Variants in SLC35F3 observed in about 807,000 individuals in gnomAD.
The protein encoded by SLC35F3 is putative thiamine transporter SLC35F3.
A neutral mutation model predicts 49.9 loss-of-function variants in SLC35F3; 25 were observed. The observed-to-expected ratio is 0.50, with a 90% CI of 0.37 to 0.70. SLC35F3 has a LOEUF of 0.70. SLC35F3 is among the 30% of genes least tolerant of loss of function. The probability of loss-of-function intolerance (pLI) is 0.00; values close to 1 mark genes in which losing one functional copy is unlikely to be tolerated. For synonymous variants in SLC35F3, 275 were observed against 265.4 expected (o/e 1.04, Z -0.35); for missense variants, 525 against 639.8 (o/e 0.82, Z 1.94).
chr1:234,318,520 G>A (rs1402842305), intron 5 of SLC35F3, among the ~76,000 whole-genome samples: 3 of 152,188 alleles, frequency 2.0e-5, no homozygotes, highest in African/African-American at 7.2e-5. Flanking sequence ...GAAAACCCAT[G>A]ACTTCCAAAG....
chr1:233,918,142 G>C (rs12730452), intron 2 of SLC35F3, among the ~76,000 whole-genome samples: 1,702 of 152,372 alleles, frequency 0.011, 10 homozygotes, highest in Non-Finnish European at 0.019. Flanking sequence ...GTCCCAAAGG[G>C]AAGGCTGTGC....
At chr1:233,911,399 TAAAAG>T (rs2102782257) in intron 2 of SLC35F3, among the ~76,000 whole-genome samples, 1 of 152,262 alleles carries the variant, frequency 6.6e-6, no homozygotes, top group African/African-American at 2.4e-5. Flanking sequence ...GAGAAGATTT[TAAAAG>T]AAAAGAGTTA....
intron 3 of SLC35F3, among the ~76,000 whole-genome samples, chr1:234,271,470 G>A (rs1049840560): frequency 1.3e-5 from 2 of 152,110 alleles, no homozygotes; most frequent in African/African-American, 4.8e-5. Flanking sequence ...CACCTTCTCT[G>A]GTTCAGAGTT....
At chr1:233,999,732 C>T (rs1663520741) in intron 2 of SLC35F3, among the ~76,000 whole-genome samples, 1 of 152,168 alleles carries the variant, frequency 6.6e-6, no homozygotes, top group African/African-American at 2.4e-5. Flanking sequence ...CACACTCTTT[C>T]ATACCTCGTA....
At chr1:233,985,879 TCAAA>T (rs984837721) in intron 2 of SLC35F3, among the ~76,000 whole-genome samples, 3 of 152,236 alleles carry the variant, frequency 2.0e-5, no homozygotes, top group African/African-American at 7.2e-5. Context: ...GAACTTTTAA[TCAAA>T]CAAACGTTCT....
chr1:233,976,117 A>C (rs1385495811), intron 2 of SLC35F3, among the ~76,000 whole-genome samples: 3 of 152,196 alleles, frequency 2.0e-5, no homozygotes, highest in African/African-American at 7.2e-5. Flanking sequence ...AGAAAGACAG[A>C]GGAGGAGGAG....
At chr1:234,111,120 A>G (rs1317241404) in intron 2 of SLC35F3, among the ~76,000 whole-genome samples, 2 of 152,166 alleles carry the variant, frequency 1.3e-5, no homozygotes, top group African/African-American at 4.8e-5. Flanking sequence ...GAGGAAAGAA[A>G]TCCATTGGAT....
Position 233,904,994 on chromosome 1 carries a change from C to G in SLC35F3, c.-84C>G. ...CGGTGGGCAGCGCACTCCAGTCTTC[C>G]CAGGCTAGCGGCTGCAGGGAGCTCC... On this transcript the variant is annotated 5_prime_UTR_variant, in exon 1 of 8. Coordinates refer to ENST00000366618, the MANE Select transcript of SLC35F3 (RefSeq NM_173508.4). 2.7e-6 allele frequency: 4 copies of G among 1,471,848 alleles called. No homozygotes were observed. Among genetic ancestry groups the G allele is most frequent in the Non-Finnish European group, 3.7e-6 (4 of 1,081,354 alleles). 91.2% of individuals were successfully genotyped at this position (1,471,848 alleles called of 1,614,324 possible).
chr1:233,989,326 G>T (rs1663318010), intron 2 of SLC35F3, among the ~76,000 whole-genome samples: 1 of 152,088 alleles, frequency 6.6e-6, no homozygotes, highest in South Asian at 2.1e-4. Flanking sequence ...AAACTTTTTT[G>T]TTTCATAATG....
intron 2 of SLC35F3, among the ~76,000 whole-genome samples, chr1:234,042,677 GAC>G (rs1461024503): frequency 1.3e-5 from 2 of 152,140 alleles, no homozygotes; most frequent in South Asian, 2.1e-4. Flanking sequence ...ACAACATCCT[GAC>G]ACAATTATTT....
chr1:234,260,664 A>G (rs1385927595), intron 3 of SLC35F3, among the ~76,000 whole-genome samples: 2 of 152,254 alleles, frequency 1.3e-5, no homozygotes, highest in Non-Finnish European at 2.9e-5. Flanking sequence ...TTAACTTTGC[A>G]GAGCCTCATC....
At chr1:234,201,599 C>T (rs1338070970) in intron 2 of SLC35F3, among the ~76,000 whole-genome samples, 2 of 152,172 alleles carry the variant, frequency 1.3e-5, no homozygotes, top group Non-Finnish European at 2.9e-5. Context: ...TGCCCACTCA[C>T]TTTAAATAAG....
chr1:234,054,735 T>A (rs1231929361), intron 2 of SLC35F3, among the ~76,000 whole-genome samples: 4 of 152,234 alleles, frequency 2.6e-5, no homozygotes, highest in African/African-American at 9.6e-5. Context: ...TTTTTAGAAT[T>A]TTCAGCTTTT....
chr1:234,059,121 A>G (rs2102861641), intron 2 of SLC35F3, among the ~76,000 whole-genome samples: 1 of 152,104 alleles, frequency 6.6e-6, no homozygotes, highest in East Asian at 1.9e-4. Context: ...CTTCAAGTGA[A>G]TAGCTTTTCG....
rs150887780 is a variant in SLC35F3, at chr1:233,956,732, G to C, written c.283+50974G>C. Among the ~76,000 whole-genome samples the C allele has an allele frequency of 4.1e-4, 62 of 152,340 alleles. 3 individuals carry two copies. In the East Asian group the frequency reaches 0.012, roughly 29 times the overall value. ...TGAGACATTTCCATTACCCCTCCAA[G>C]GGGGCTGCCTGCCAGCAAGGGTCCT... On this transcript the variant is annotated intron_variant, in intron 2 of 7. Transcript: ENST00000366618.
At chr1:234,308,265 G>A (rs1021173419) in intron 3 of SLC35F3, among the ~76,000 whole-genome samples, 1 of 152,138 alleles carries the variant, frequency 6.6e-6, no homozygotes, top group Non-Finnish European at 1.5e-5. Context: ...TACCCAAGAA[G>A]TGACTGCCCC....
At chr1:234,217,433 A>G (rs939632076) in intron 2 of SLC35F3, among the ~76,000 whole-genome samples, 5 of 152,252 alleles carry the variant, frequency 3.3e-5, no homozygotes, top group Non-Finnish European at 7.3e-5. Flanking sequence ...ACATACAGAT[A>G]GATAGATAAA....
rs138811724 is a variant in SLC35F3 at position 234,216,618 on chromosome 1, A to G, written c.284-14799A>G. On this transcript the variant is annotated intron_variant, in intron 2 of 7. Coordinates refer to ENST00000366618, the MANE Select transcript of SLC35F3 (RefSeq NM_173508.4). ...GCCTCGCCACGGGCTTGGCTTTGGA[A>G]CTAGCATTTCCTCATAAATGCCTGT... Among the ~76,000 whole-genome samples, 998 of 152,342 alleles carry G rather than the reference A, an allele frequency of 6.6e-3. 11 individuals carry two copies. Among genetic ancestry groups the G allele is most frequent in the Non-Finnish European group, 0.01 (707 of 68,034 alleles).
At chr1:234,123,868 T>C (rs546331297) in intron 2 of SLC35F3, among the ~76,000 whole-genome samples, 2 of 152,332 alleles carry the variant, frequency 1.3e-5, no homozygotes, top group East Asian at 3.9e-4. Context: ...GGTGAGTAGT[T>C]TTAACAGCTG....
Sources: allele counts gnomAD v4.1 joint callset (sites outside exome capture counted in the v4.1 genomes callset), GRCh38; gene constraint gnomAD v4.1.1; transcripts MANE v1.5; gene names NCBI Gene and HGNC (gene_info 2026-07-23, HGNC 2026-07-21).